GLIS3: variants seen among roughly 807,000 people sequenced by gnomAD.
GLIS3 encodes zinc finger protein GLIS3.
GLIS3 carries 53 observed loss-of-function variants against 78.6 expected under a neutral mutation model. The observed-to-expected ratio is 0.67, with a 90% confidence interval of 0.54 to 0.85. The LOEUF (loss-of-function observed/expected upper bound fraction) is 0.85. Among genes scored for constraint, GLIS3 ranks in the 40% least tolerant of loss-of-function variants. GLIS3 has a pLI of 0.00. For missense variants in GLIS3, 1,703 were observed against 1,231.1 expected, an observed-to-expected ratio of 1.38 and a Z score of -5.74; for synonymous variants, 684 against 509.9, an observed-to-expected ratio of 1.34 and a Z score of -4.60.
chr9:3,942,553 G>A (rs1207997711), intron 4 of GLIS3, among the ~76,000 whole-genome samples: 1 of 152,220 alleles, frequency 6.6e-6, no homozygotes, highest in Non-Finnish European at 1.5e-5. Flanking sequence ...GATTACTTCT[G>A]TGACTCAGAA....
chr9:3,861,343 C>G (rs1177887800), intron 8 of GLIS3, among the ~76,000 whole-genome samples: 2 of 152,056 alleles, frequency 1.3e-5, no homozygotes, highest in Non-Finnish European at 2.9e-5. Context: ...ATTGTAGAAG[C>G]CGTGTGGTGA....
At chr9:4,285,999 C>T (rs1827957058) in intron 2 of GLIS3, 39 bp downstream of exon 2, 4 of 1,612,566 alleles carry the variant, frequency 2.5e-6, no homozygotes, top group Non-Finnish European at 1.7e-6. Flanking sequence ...AGAAAAAAAT[C>T]GTTTCCATTT....
intron 1 of GLIS3, among the ~76,000 whole-genome samples, chr9:4,295,161 A>C (rs1358607521): frequency 6.6e-6 from 1 of 152,228 alleles, no homozygotes; most frequent in Non-Finnish European, 1.5e-5. Flanking sequence ...TGAACAGTTC[A>C]ATACTGAAAC....
chr9:4,084,458 G>A (rs968948776), intron 4 of GLIS3, among the ~76,000 whole-genome samples: 4 of 152,100 alleles, frequency 2.6e-5, no homozygotes, highest in African/African-American at 4.8e-5. Context: ...GCAGGTTCGC[G>A]TGGTGGAGAA....
intron 4 of GLIS3, among the ~76,000 whole-genome samples, chr9:3,965,902 T>G (rs1817903130): frequency 6.6e-6 from 1 of 152,242 alleles, no homozygotes; most frequent in Non-Finnish European, 1.5e-5. Context: ...AACCACTGTG[T>G]AGGCACATGT....
chr9:4,403,244 C>T, the GLIS3 span, among the ~76,000 whole-genome samples: 4 of 152,092 alleles, frequency 2.6e-5, no homozygotes, highest in Non-Finnish European at 5.9e-5. Flanking sequence ...AGAAATAAGA[C>T]CTTTCCAGAC....
At chr9:4,301,506 T>C (rs1587370071), upstream of GLIS3, among the ~76,000 whole-genome samples, 4 of 152,328 alleles carry the variant, frequency 2.6e-5, no homozygotes, top group African/African-American at 9.6e-5. Context: ...ATAAAAACTC[T>C]TCCTCATTAA....
chr9:3,927,615 G>A (rs148371598), intron 6 of GLIS3, among the ~76,000 whole-genome samples: 323 of 152,262 alleles, frequency 2.1e-3, no homozygotes, highest in South Asian at 4.6e-3. Context: ...CTGTATTTAC[G>A]GAAAGGCCAA....
chr9:4,053,080 T>A (rs1293609237), intron 4 of GLIS3, among the ~76,000 whole-genome samples: 6 of 152,192 alleles, frequency 3.9e-5, no homozygotes, highest in Non-Finnish European at 8.8e-5. Flanking sequence ...CCTGAGTAGC[T>A]GGGACCACAG....
At position 3,922,708 on chromosome 9, in the gene GLIS3, A is replaced by C. The variant is rs182230275; in HGVS notation, c.1983+9652T>G. ...AAGTGTTCACAAACTCTGCTACCAA[A>C]AACACTTGTAAAGGTGATTATAAAA... On this transcript the variant is annotated intron_variant, in intron 6 of 10. Transcript: ENST00000381971. Among the ~76,000 whole-genome samples the C allele has an allele frequency of 1.2e-4, 19 of 152,328 alleles. No homozygotes were observed. In the East Asian group the frequency reaches 3.3e-3, roughly 26 times the overall value.
At chr9:3,912,818 C>A (rs1313336805) in intron 6 of GLIS3, among the ~76,000 whole-genome samples, 1 of 152,146 alleles carries the variant, frequency 6.6e-6, no homozygotes, top group African/African-American at 2.4e-5. Context: ...TTTCACTTTG[C>A]CATGAAAAAC....
chr9:3,921,448 G>A lies in GLIS3; in HGVS notation c.1983+10912C>T, dbSNP rs200626628. 1.2e-4 allele frequency among the ~76,000 whole-genome samples: 19 copies of A among 152,256 alleles called. No individual in the cohort carries two copies. The East Asian group carries it at 3.7e-3, about 29-fold the overall frequency. On this transcript the variant is annotated intron_variant, in intron 6 of 10. Coordinates refer to ENST00000381971, the MANE Select transcript of GLIS3 (RefSeq NM_001042413.2). ...AGAGCTAAGATTCAAACTCAGTCAG[G>A]CACAGTTCCAAAGCCTTACTTGTCC...
chr9:3,943,955 G>A (rs1375655275), intron 4 of GLIS3, among the ~76,000 whole-genome samples: 3 of 152,106 alleles, frequency 2.0e-5, no homozygotes, highest in Non-Finnish European at 4.4e-5. Context: ...GTACAAAATC[G>A]GCCTATTAAC....
At chr9:3,867,361 G>T (rs1209684154) in intron 8 of GLIS3, among the ~76,000 whole-genome samples, 4 of 152,234 alleles carry the variant, frequency 2.6e-5, no homozygotes, top group Non-Finnish European at 5.9e-5. Flanking sequence ...ACTTCCAGGA[G>T]CATATCAGGG....
rs761143671 is a variant in GLIS3, at chr9:3,932,365, T to C, written c.1978A>G (p.Lys660Glu). The C allele has an allele frequency of 6.2e-7, 1 of 1,611,410 alleles. No homozygotes were observed. Among genetic ancestry groups the C allele is most frequent in the South Asian group, 1.1e-5 (1 of 91,040 alleles). Residue 660 changes from lysine to glutamate, a missense_variant, in exon 6 of 11, where the codon AAA (lysine) becomes GAA (glutamate). Coordinates refer to ENST00000381971, the MANE Select transcript of GLIS3 (RefSeq NM_001042413.2). Reference protein sequence around the residue: ...AHSSKEQQARKKLRSSTELHP... With the variant: ...AHSSKEQQAREKLRSSTELHP... ...AGATTCTCTTTTAAAATTACCTTTT[T>C]CCTTGCTTGTTGCTCTTTGGAAGAA...
chr9:4,194,266 C>T (rs913698240), intron 2 of GLIS3, among the ~76,000 whole-genome samples: 3 of 151,940 alleles, frequency 2.0e-5, no homozygotes, highest in African/African-American at 7.3e-5. Flanking sequence ...CACCATGTTG[C>T]CCAGGCTGGT....
chr9:3,878,459 T>A (rs1414224526), intron 8 of GLIS3: 1 of 152,032 alleles, frequency 6.6e-6, no homozygotes, highest in Non-Finnish European at 1.5e-5. Context: ...ATATATATGG[T>A]TTATCAGAAT....
chr9:4,106,982 AT>A (rs1189242664), intron 4 of GLIS3, among the ~76,000 whole-genome samples: 1 of 152,070 alleles, frequency 6.6e-6, no homozygotes, highest in African/African-American at 2.4e-5. Context: ...AGCAGTGGTG[AT>A]TGTATGGCAA....
chr9:4,050,649 G>T (rs1242375195), intron 4 of GLIS3, among the ~76,000 whole-genome samples: 1 of 152,166 alleles, frequency 6.6e-6, no homozygotes, highest in East Asian at 1.9e-4. Context: ...TTTGAAGAAT[G>T]TGGAGTATAT....
Sources: allele counts gnomAD v4.1 joint callset (sites outside exome capture counted in the v4.1 genomes callset), GRCh38; gene constraint gnomAD v4.1.1; transcripts MANE v1.5; gene names NCBI Gene and HGNC (gene_info 2026-07-23, HGNC 2026-07-21).